Variants in BMPR2 observed in about 807,000 individuals in gnomAD.
The protein encoded by BMPR2 is bone morphogenetic protein receptor type 2.
A neutral mutation model predicts 100.8 loss-of-function variants in BMPR2; 29 were observed. That is an observed-to-expected ratio of 0.29 (90% CI 0.21 to 0.39). The LOEUF (loss-of-function observed/expected upper bound fraction) is 0.39, where lower values mean the gene tolerates loss of function less well. Among genes scored for constraint, BMPR2 ranks in the 10% least tolerant of loss-of-function variants. BMPR2 has a pLI of 1.00. For missense variants in BMPR2, 1,011 were observed against 1,274.5 expected, an observed-to-expected ratio of 0.79 and a Z score of 3.15; for synonymous variants, 382 against 442.3, an observed-to-expected ratio of 0.86 and a Z score of 1.71.
chr2:202,531,964 G>C (rs1382802776), intron 8 of BMPR2, among the ~76,000 whole-genome samples: 36 of 91,684 alleles, frequency 3.9e-4, no homozygotes, highest in African/African-American at 1.5e-3. Context: ...TTTTGAGACG[G>C]AGTCTCTCTC....
At chr2:202,490,293 G>A (rs957906285) in intron 3 of BMPR2, among the ~76,000 whole-genome samples, 4 of 152,068 alleles carry the variant, frequency 2.6e-5, no homozygotes, top group African/African-American at 9.7e-5. Context: ...AGTAAAGAGA[G>A]TTACCTTCTA....
chr2:202,479,107 G>A (rs1205188356), intron 3 of BMPR2, among the ~76,000 whole-genome samples: 1 of 152,074 alleles, frequency 6.6e-6, no homozygotes, highest in Non-Finnish European at 1.5e-5. Flanking sequence ...CAAAAGTGAT[G>A]GTATATCACT....
chr2:202,556,392 A>G lies in BMPR2; in HGVS notation c.2727A>G (p.Pro909=), dbSNP rs913751632. The G allele has an allele frequency of 1.2e-6, 2 of 1,614,194 alleles. No homozygotes were observed. The highest frequency in any genetic ancestry group is 1.7e-6 in the Non-Finnish European group (2 of 1,180,044). Residue 909 remains proline (P), a synonymous_variant, in exon 12 of 13, where the codon CCA becomes CCG. Transcript: ENST00000374580. The stretch of plus-strand genomic sequence containing the variant: ...ATTCCAATAACAACAACAGCAATCC[A>G]TGTTCAGAACAAGATGTTCTTGCAC... ...RTNSNNNNSN[P]CSEQDVLAQG...
chr2:202,553,896 C>A (rs866826129), intron 11 of BMPR2, among the ~76,000 whole-genome samples: 2 of 152,174 alleles, frequency 1.3e-5, no homozygotes, highest in Non-Finnish European at 2.9e-5. Flanking sequence ...CCATGTTAGC[C>A]AGACTGGTCT....
intron 3 of BMPR2, among the ~76,000 whole-genome samples, chr2:202,493,901 T>C (rs1161872165): frequency 2.0e-5 from 3 of 152,212 alleles, no homozygotes; most frequent in Admixed American, 6.5e-5. Flanking sequence ...TATTTTTTGC[T>C]TTTTCTTCCA....
chr2:202,395,938 AAAACAAAAAAC>A (rs1293436676), intron 1 of BMPR2, among the ~76,000 whole-genome samples: 11 of 152,272 alleles, frequency 7.2e-5, no homozygotes, highest in South Asian at 6.2e-4. Context: ...ACTCCATCTC[AAAACAAAAAAC>A]AAACAAAAAA....
At chr2:202,489,007 T>TTC (rs1003013215) in intron 3 of BMPR2, among the ~76,000 whole-genome samples, 26 of 150,368 alleles carry the variant, frequency 1.7e-4, no homozygotes, top group African/African-American at 6.5e-4. Flanking sequence ...GTTACTTTTT[T>TTC]TTTTTTTTTT....
intron 10 of BMPR2, among the ~76,000 whole-genome samples, chr2:202,543,225 T>TATAC (rs1287254769): frequency 1.4e-5 from 2 of 146,974 alleles, no homozygotes; most frequent in Non-Finnish European, 3.0e-5. Flanking sequence ...TATATATTTA[T>TATAC]ATATATATTT....
intron 3 of BMPR2, among the ~76,000 whole-genome samples, chr2:202,473,336 G>GATGGGAGGATCACTTGAGT (rs1296629827): frequency 1.3e-5 from 2 of 152,106 alleles, no homozygotes; most frequent in Non-Finnish European, 2.9e-5. Flanking sequence ...GGGAGGCTGA[G>GATGGGAGGATCACTTGAGT]ATGGGAGGAT....
At chr2:202,434,908 A>AAAATATATATAT (rs1559037398) in intron 1 of BMPR2, among the ~76,000 whole-genome samples, 1 of 38,422 alleles carries the variant, frequency 2.6e-5, no homozygotes, top group Non-Finnish European at 4.4e-5. Context: ...AAAAAAAAAA[A>AAAATATATATAT]ATATATATAT....
At chr2:202,467,490 T>G in intron 2 of BMPR2, 29 bp from the exon 3 acceptor site, 1 of 1,522,560 alleles carries the variant, frequency 6.6e-7, no homozygotes, top group Non-Finnish European at 9.1e-7. Flanking sequence ...TCATATTGTC[T>G]CCTTTTTTGT....
chr2:202,401,898 G>A (rs770585907), intron 1 of BMPR2, among the ~76,000 whole-genome samples: 1 of 152,204 alleles, frequency 6.6e-6, no homozygotes, highest in Non-Finnish European at 1.5e-5. Flanking sequence ...TAAAATGTTG[G>A]AAATCACAGT....
At position 202,555,245 on chromosome 2, in the gene BMPR2, C is replaced by A. The variant is rs1446331126; in HGVS notation, c.1587-7C>A. 6.2e-7 allele frequency: 1 copy of A among 1,612,244 alleles called. No homozygotes were observed. The highest frequency in any genetic ancestry group is 8.5e-7 in the Non-Finnish European group (1 of 1,178,864). ...TCTCAATGTGATACTTTTTTTCTTT[C>A]TTTAAGCAACCTGTCACATAATAGG... is the stretch of plus-strand genomic sequence containing the variant. On this transcript the variant is annotated splice_region_variant and splice_polypyrimidine_tract_variant and intron_variant, in intron 11 of 12. Transcript: ENST00000374580.
intron 1 of BMPR2, among the ~76,000 whole-genome samples, chr2:202,429,348 CCTA>C (rs66728209): frequency 0.98 from 149,016 of 151,924 alleles, 73,146 homozygotes; most frequent in East Asian, 1. Context: ...AGCATCATTT[CCTA>C]CTACTACTCC....
At chr2:202,557,827 A>G (rs573562464) in intron 12 of BMPR2, among the ~76,000 whole-genome samples, 1 of 152,338 alleles carries the variant, frequency 6.6e-6, no homozygotes, top group African/African-American at 2.4e-5. Flanking sequence ...CTGCTGCTTT[A>G]TAATGCAACT....
intron 3 of BMPR2, among the ~76,000 whole-genome samples, chr2:202,497,404 T>C (rs1693059758): frequency 1.3e-5 from 2 of 152,232 alleles, no homozygotes; most frequent in Admixed American, 1.3e-4. Flanking sequence ...GGCACCTTAT[T>C]GGCCAGTTAA....
At chr2:202,414,408 A>G (rs79119617) in intron 1 of BMPR2, among the ~76,000 whole-genome samples, 4 of 152,306 alleles carry the variant, frequency 2.6e-5, no homozygotes, top group East Asian at 1.9e-4. Flanking sequence ...TAACCCTGCA[A>G]TGGCCTTTAA....
intron 1 of BMPR2, among the ~76,000 whole-genome samples, chr2:202,434,470 A>G (rs528525539): frequency 9.3e-5 from 14 of 150,542 alleles, no homozygotes; most frequent in African/African-American, 3.5e-4. Context: ...GAAAAACACT[A>G]GGGAGAAATT....
chr2:202,483,022 T>C (rs1167906562), intron 3 of BMPR2, among the ~76,000 whole-genome samples: 1 of 152,148 alleles, frequency 6.6e-6, no homozygotes, highest in Non-Finnish European at 1.5e-5. Context: ...TTCTTCACCT[T>C]CTTGCCGTCA....
Sources: gnomAD v4.1 joint callset for allele counts (sites outside exome capture counted in the v4.1 genomes callset) on GRCh38, gnomAD v4.1.1 for gene constraint, MANE v1.5 for transcripts, NCBI Gene and HGNC (gene_info 2026-07-23, HGNC 2026-07-21) for gene names.